The following CSMD1 variants were observed in gnomAD, a reference collection of about 807,000 sequenced individuals.
CSMD1 encodes CUB and Sushi multiple domains 1, also known as CUB and sushi domain-containing protein 1.
A neutral mutation model predicts 417.5 loss-of-function variants in CSMD1; 213 were observed. That is an observed-to-expected ratio of 0.51 (90% CI 0.46 to 0.57). The LOEUF (loss-of-function observed/expected upper bound fraction) is 0.57, where lower values mean the gene tolerates loss of function less well. Among genes scored for constraint, CSMD1 ranks in the 20% least tolerant of loss-of-function variants. CSMD1 has a pLI of 0.00. For missense variants in CSMD1, 6,923 were observed against 4,529.7 expected (o/e 1.53, Z -15.17); for synonymous variants, 2,862 against 1,736.8 (o/e 1.65, Z -16.11).
intron 3 of CSMD1, among the ~76,000 whole-genome samples, chr8:4,238,158 A>G (rs1020345058): frequency 2.0e-5 from 3 of 152,228 alleles, no homozygotes; most frequent in Non-Finnish European, 2.9e-5. Context: ...CCAGTCCTGG[A>G]ATCCCAAAGG....
rs537576514 is a variant in CSMD1 at position 3,173,013 on chromosome 8, T to C, written c.5725+8097A>G. On this transcript the variant is annotated intron_variant, in intron 37 of 69. Coordinates refer to ENST00000635120, the MANE Select transcript of CSMD1 (RefSeq NM_033225.6). ...TCCCAAGAAGTGATTGTAGGATAAGTCCACCCCTACCCCTGCCTTGTCAAA... is the reference window on the plus strand; with the variant it reads ...TCCCAAGAAGTGATTGTAGGATAAGCCCACCCCTACCCCTGCCTTGTCAAA... Among the ~76,000 whole-genome samples the C allele has an allele frequency of 5.3e-5, 8 of 152,286 alleles. No homozygotes were observed. The East Asian group carries it at 1.5e-3, about 29-fold the overall frequency.
chr8:4,549,896 C>CAAAA (rs777040766), intron 2 of CSMD1, among the ~76,000 whole-genome samples: 181 of 88,524 alleles, frequency 2.0e-3, no homozygotes, highest in Non-Finnish European at 3.0e-3. Flanking sequence ...GACTTTGTCT[C>CAAAA]AAAAAAAAAA....
chr8:3,849,730 A>C (rs896107591), intron 5 of CSMD1, among the ~76,000 whole-genome samples: 1 of 152,222 alleles, frequency 6.6e-6, no homozygotes, highest in African/African-American at 2.4e-5. Context: ...GTGTAAACTC[A>C]ATCTTTATGA....
At chr8:3,691,081 A>G (rs1287104068) in intron 7 of CSMD1, among the ~76,000 whole-genome samples, 1 of 151,990 alleles carries the variant, frequency 6.6e-6, no homozygotes, top group Non-Finnish European at 1.5e-5. Flanking sequence ...AAACTGTATC[A>G]ATGGGCCGGG....
At chr8:4,564,369 G>T (rs2130625348) in intron 2 of CSMD1, among the ~76,000 whole-genome samples, 1 of 152,164 alleles carries the variant, frequency 6.6e-6, no homozygotes, top group East Asian at 1.9e-4. Context: ...ACATAGATTG[G>T]TTGAATTAAA....
intron 3 of CSMD1, among the ~76,000 whole-genome samples, chr8:4,294,641 G>A (rs931086104): frequency 6.6e-6 from 1 of 152,016 alleles, no homozygotes; most frequent in Non-Finnish European, 1.5e-5. Context: ...TTGATAGAAA[G>A]TTATATTCAT....
chr8:4,825,109 A>C (rs902312562), intron 1 of CSMD1, among the ~76,000 whole-genome samples: 1 of 152,122 alleles, frequency 6.6e-6, no homozygotes, highest in Non-Finnish European at 1.5e-5. Context: ...TTGATGAACA[A>C]CACAAATCAA....
chr8:3,014,944 C>A (rs1359550273), intron 52 of CSMD1, among the ~76,000 whole-genome samples: 1 of 147,380 alleles, frequency 6.8e-6, no homozygotes, highest in Admixed American at 6.7e-5. Flanking sequence ...AAATAAAAAC[C>A]TCCTAACCTG....
At chr8:3,474,272 T>G (rs4875723) in intron 11 of CSMD1, among the ~76,000 whole-genome samples, 45,917 of 151,952 alleles carry the variant, frequency 0.3, 8,287 homozygotes, top group East Asian at 0.63. Flanking sequence ...ATAAAAATGT[T>G]TCAAGTATAT....
At chr8:3,769,849 A>G (rs185659255) in intron 5 of CSMD1, among the ~76,000 whole-genome samples, 1 of 152,196 alleles carries the variant, frequency 6.6e-6, no homozygotes, top group Admixed American at 6.5e-5. Context: ...CACAGGATGG[A>G]CTCCTAGAAG....
At chr8:4,420,215 G>T in intron 2 of CSMD1, 150 bp from the exon 3 acceptor site, 1 of 493,046 alleles carries the variant, frequency 2.0e-6, no homozygotes, top group South Asian at 3.1e-5. Context: ...ACATAGCTTT[G>T]GTTGTTAAGT....
intron 20 of CSMD1, among the ~76,000 whole-genome samples, chr8:3,360,575 A>G (rs769696458): frequency 7.2e-5 from 11 of 152,222 alleles, no homozygotes; most frequent in African/African-American, 2.7e-4. Flanking sequence ...ATGCTTAGGT[A>G]TTGGAATGGT....
intron 3 of CSMD1, among the ~76,000 whole-genome samples, chr8:4,378,107 C>G (rs536883504): frequency 5.6e-4 from 85 of 152,160 alleles, no homozygotes; most frequent in Non-Finnish European, 9.7e-4. Context: ...AACACAGAAG[C>G]CAAATTTTAC....
intron 6 of CSMD1, among the ~76,000 whole-genome samples, chr8:3,741,978 G>GTTT (rs1207725319): frequency 7.2e-4 from 68 of 94,104 alleles, no homozygotes; most frequent in African/African-American, 2.5e-3. Context: ...AAAGAATCTT[G>GTTT]GTTTTTTTTT....
At chr8:3,647,861 C>G (rs576365117) in intron 7 of CSMD1, among the ~76,000 whole-genome samples, 4 of 152,212 alleles carry the variant, frequency 2.6e-5, no homozygotes, top group African/African-American at 9.7e-5. Context: ...CCTTTTCTAA[C>G]TATTCTTGTA....
In CSMD1 at chr8:4,926,504, A is replaced by C. The variant is rs1248914526; in HGVS notation, c.85+67828T>G. Among the ~76,000 whole-genome samples the C allele has an allele frequency of 2.0e-5, 3 of 152,212 alleles. No homozygotes were observed. The East Asian group carries it at 5.8e-4, about 29-fold the overall frequency. On this transcript the variant is annotated intron_variant, in intron 1 of 69. Coordinates refer to ENST00000635120, the MANE Select transcript of CSMD1 (RefSeq NM_033225.6). ...TGTAATTTTTCTATGTAAATGTATA[A>C]ATAGCAGTTATCTTATTTGTTTTTA...
intron 3 of CSMD1, among the ~76,000 whole-genome samples, chr8:4,273,512 A>G (rs1804730031): frequency 6.6e-6 from 1 of 152,196 alleles, no homozygotes; most frequent in Non-Finnish European, 1.5e-5. Flanking sequence ...GTAGCAAATA[A>G]GAATAGAGGA....
chr8:4,774,638 T>A (rs1199102439), intron 1 of CSMD1, among the ~76,000 whole-genome samples: 1 of 152,128 alleles, frequency 6.6e-6, no homozygotes, highest in African/African-American at 2.4e-5. Context: ...CCACCCTAAC[T>A]TCATGTTCAA....
intron 54 of CSMD1, among the ~76,000 whole-genome samples, chr8:2,986,903 A>G (rs116475186): frequency 0.012 from 1,826 of 152,146 alleles, 48 homozygotes; most frequent in African/African-American, 0.041. Context: ...TTTTTACTAC[A>G]GCAATAGCAA....
Sources: allele counts gnomAD v4.1 joint callset (sites outside exome capture counted in the v4.1 genomes callset), GRCh38; gene constraint gnomAD v4.1.1; transcripts MANE v1.5; gene names NCBI Gene and HGNC (gene_info 2026-07-23, HGNC 2026-07-21).